The following CREB5 variants were observed in gnomAD, a reference collection of about 807,000 sequenced individuals.
CREB5 encodes cyclic AMP-responsive element-binding protein 5.
A neutral mutation model predicts 57.1 loss-of-function variants in CREB5; 19 were observed. That is an observed-to-expected ratio of 0.33 (90% CI 0.23 to 0.49). The LOEUF (loss-of-function observed/expected upper bound fraction) is 0.49. Among genes scored for constraint, CREB5 ranks in the 20% least tolerant of loss-of-function variants. The probability of loss-of-function intolerance (pLI) is 0.99; values close to 1 mark genes in which losing one functional copy is unlikely to be tolerated. For synonymous variants in CREB5, 238 were observed against 238.3 expected, an observed-to-expected ratio of 1.00 and a Z score of 0.01; for missense variants, 579 against 671.6, an observed-to-expected ratio of 0.86 and a Z score of 1.52.
chr7:28,448,269 T>C (rs868517114), intron 1 of CREB5, among the ~76,000 whole-genome samples: 5 of 152,372 alleles, frequency 3.3e-5, no homozygotes, highest in Middle Eastern at 3.4e-3. Flanking sequence ...AGACAGCCTA[T>C]TGTGGGACTT....
chr7:28,387,491 G>A (rs1371028167), intron 1 of CREB5, among the ~76,000 whole-genome samples: 2 of 151,954 alleles, frequency 1.3e-5, no homozygotes, highest in African/African-American at 4.8e-5. Context: ...TTTGTCAGAT[G>A]GACAGATTGC....
At chr7:28,363,803 G>A (rs926187785) in intron 1 of CREB5, among the ~76,000 whole-genome samples, 6 of 152,298 alleles carry the variant, frequency 3.9e-5, no homozygotes, top group African/African-American at 1.4e-4. Context: ...TAATCTCTCT[G>A]AAACCCTTTG....
At chr7:28,462,975 A>G (rs1010762005) in intron 1 of CREB5, among the ~76,000 whole-genome samples, 26 of 152,022 alleles carry the variant, frequency 1.7e-4, no homozygotes, top group African/African-American at 5.6e-4. Context: ...TTAGTTTCTT[A>G]TCTAAGGATT....
chr7:28,719,045 C>T (rs1802870554), intron 6 of CREB5, among the ~76,000 whole-genome samples, 166 bp downstream of exon 6: 1 of 152,192 alleles, frequency 6.6e-6, no homozygotes, highest in African/African-American at 2.4e-5. Context: ...CCCAGTTGCC[C>T]ATCCCCAGGC....
At chr7:28,486,674 ATAT>A (rs1791565940) in intron 1 of CREB5, among the ~76,000 whole-genome samples, 1 of 129,012 alleles carries the variant, frequency 7.8e-6, no homozygotes, top group Admixed American at 7.8e-5. Context: ...ATGATTTTAT[ATAT>A]ATATATATAT....
intron 1 of CREB5, among the ~76,000 whole-genome samples, chr7:28,474,667 C>T (rs534559110): frequency 1.3e-5 from 2 of 152,264 alleles, no homozygotes; most frequent in Admixed American, 1.3e-4. Context: ...CAAACATTAA[C>T]TTGATGTCAC....
intron 1 of CREB5, among the ~76,000 whole-genome samples, chr7:28,319,984 G>A (rs1349347011): frequency 6.6e-6 from 1 of 152,056 alleles, no homozygotes; most frequent in Non-Finnish European, 1.5e-5. Flanking sequence ...AGGCTGGAGT[G>A]AAGTGGTGTG....
At position 28,591,431 on chromosome 7, in the gene CREB5, C is replaced by G. The variant is rs571275057; in HGVS notation, c.464+20894C>G. 5.3e-5 allele frequency among the ~76,000 whole-genome samples: 8 copies of G among 152,232 alleles called. No individual in the cohort carries two copies. The South Asian group carries it at 1.0e-3, about 20-fold the overall frequency. On this transcript the variant is annotated intron_variant, in intron 5 of 10. Coordinates refer to ENST00000357727, the MANE Select transcript of CREB5 (RefSeq NM_182898.4). ...TGTTTTATGGTGGTTTGCTTAGTACCGTGCTTGTAATACTCAGAAAACCTT... is the reference window on the plus strand; with the variant it reads ...TGTTTTATGGTGGTTTGCTTAGTACGGTGCTTGTAATACTCAGAAAACCTT...
At chr7:28,456,902 T>C (rs1790116028) in intron 1 of CREB5, among the ~76,000 whole-genome samples, 1 of 152,252 alleles carries the variant, frequency 6.6e-6, no homozygotes, top group Non-Finnish European at 1.5e-5. Context: ...CATTTTCTGC[T>C]GTTAGAATAT....
chr7:28,586,989 T>A (rs1583669090), intron 5 of CREB5, among the ~76,000 whole-genome samples: 1 of 152,104 alleles, frequency 6.6e-6, no homozygotes, highest in Admixed American at 6.5e-5. Flanking sequence ...GTGGAAAGAG[T>A]GGTCCAGCCG....
chr7:28,706,417 T>C (rs1374028205), intron 5 of CREB5, among the ~76,000 whole-genome samples: 1 of 152,144 alleles, frequency 6.6e-6, no homozygotes, highest in African/African-American at 2.4e-5. Context: ...TGTGGGTGTT[T>C]GTATGTAGCA....
chr7:28,574,326 G>C (rs1024402458), intron 5 of CREB5, among the ~76,000 whole-genome samples: 2 of 152,188 alleles, frequency 1.3e-5, no homozygotes, highest in Non-Finnish European at 2.9e-5. Context: ...TCATGTAACA[G>C]GCTCATTAAT....
intron 5 of CREB5, among the ~76,000 whole-genome samples, 159 bp from the exon 6 acceptor site, chr7:28,718,594 T>G (rs142563709): frequency 2.9e-3 from 437 of 152,350 alleles, no homozygotes; most frequent in Non-Finnish European, 4.5e-3. Context: ...TTGTGTTTTA[T>G]TTGTTATTAT....
intron 5 of CREB5, chr7:28,685,902 A>C (rs935773040): frequency 2.6e-5 from 11 of 425,528 alleles, no homozygotes; most frequent in African/African-American, 2.3e-4. Context: ...TTTTTGCTTC[A>C]GTTCTGCCAG....
At chr7:28,490,780 C>A (rs1791765484) in intron 2 of CREB5, among the ~76,000 whole-genome samples, 1 of 152,246 alleles carries the variant, frequency 6.6e-6, no homozygotes, top group Admixed American at 6.5e-5. Context: ...AGAATGACTA[C>A]CCTCTGATTT....
chr7:28,817,677 A>G (rs971578872), intron 9 of CREB5, among the ~76,000 whole-genome samples: 1 of 152,164 alleles, frequency 6.6e-6, no homozygotes, highest in Non-Finnish European at 1.5e-5. Context: ...TTTAATCCTC[A>G]TAGTAACACA....
chr7:28,403,954 C>A (rs902480740), intron 1 of CREB5, among the ~76,000 whole-genome samples: 1 of 152,126 alleles, frequency 6.6e-6, no homozygotes, highest in Non-Finnish European at 1.5e-5. Context: ...TTACATCCTG[C>A]ACTGCTAGTT....
intron 1 of CREB5, among the ~76,000 whole-genome samples, chr7:28,350,809 G>A (rs559866435): frequency 5.3e-5 from 8 of 152,196 alleles, no homozygotes; most frequent in Non-Finnish European, 1.0e-4. Flanking sequence ...CTGGGAAATG[G>A]AGAGAAGTCA....
At chr7:28,446,685 G>T (rs969959280) in intron 1 of CREB5, among the ~76,000 whole-genome samples, 2 of 152,136 alleles carry the variant, frequency 1.3e-5, no homozygotes. Flanking sequence ...CCAGCTACTT[G>T]GGAGGCTGAG....
Sources: allele counts gnomAD v4.1 joint callset (sites outside exome capture counted in the v4.1 genomes callset), GRCh38; gene constraint gnomAD v4.1.1; transcripts MANE v1.5; gene names NCBI Gene and HGNC (gene_info 2026-07-23, HGNC 2026-07-21).